Variants in GRIA2 observed in about 807,000 individuals in gnomAD.
GRIA2 encodes the protein glutamate receptor 2.
In GRIA2, 14 loss-of-function variants were observed where a neutral mutation model predicts 97.3. The observed-to-expected ratio is 0.14, with a 90% CI of 0.10 to 0.23. The LOEUF (loss-of-function observed/expected upper bound fraction) is 0.23. Ranked by LOEUF, GRIA2 falls within the 10% of genes least tolerant of loss-of-function variation. The probability of loss-of-function intolerance (pLI) is 1.00; values close to 1 mark genes in which losing one functional copy is unlikely to be tolerated. For missense variants in GRIA2, 558 were observed against 1,069.8 expected (o/e 0.52, Z 6.67); for synonymous variants, 412 against 387.8 (o/e 1.06, Z -0.73).
chr4:157,365,858 A>ACTTTTTTGTT lies in GRIA2; in HGVS notation c.*2427_*2428insCTTTTTTGTT. On this transcript the variant is annotated 3_prime_UTR_variant, in exon 16 of 16. Coordinates refer to ENST00000264426, the MANE Select transcript of GRIA2 (RefSeq NM_001083619.3). Reference sequence around the variant, plus strand: ...TTTACTGTACTTTTTTGTTTACAGTATAGTACCTTATTTTCTGCTGTGTTA... The same window carrying ACTTTTTTGTT: ...TTTACTGTACTTTTTTGTTTACAGTACTTTTTTGTTTAGTACCTTATTTTCTGCTGTGTTA... The ACTTTTTTGTT allele has an allele frequency of 6.6e-6, 1 of 152,002 alleles. No individual in the cohort carries two copies. The highest frequency in any genetic ancestry group is 2.4e-5 in the African/African-American group (1 of 41,504). The allele number at this position is 152,002 out of a possible 1,614,324, so 9.4% of individuals were successfully genotyped here.
intron 2 of GRIA2, among the ~76,000 whole-genome samples, chr4:157,225,281 A>C (rs995110002): frequency 6.6e-6 from 1 of 152,024 alleles, no homozygotes; most frequent in Non-Finnish European, 1.5e-5. Context: ...TTCCATGGGT[A>C]CCTGAGGCAG....
At chr4:157,226,701 T>G (rs2126680977) in intron 2 of GRIA2, among the ~76,000 whole-genome samples, 1 of 152,236 alleles carries the variant, frequency 6.6e-6, no homozygotes, top group Non-Finnish European at 1.5e-5. Context: ...GTGTAAATAG[T>G]TACAGATTGG....
At chr4:157,341,490 A>G (rs1735544926) in intron 12 of GRIA2, 28 bp downstream of exon 12, 2 of 1,469,710 alleles carry the variant, frequency 1.4e-6, no homozygotes, top group South Asian at 2.3e-5. Flanking sequence ...GTAGTTTCTG[A>G]TTTTGTTCCT....
chr4:157,290,025 G>A (rs1283963544), intron 2 of GRIA2, among the ~76,000 whole-genome samples: 1 of 151,772 alleles, frequency 6.6e-6, no homozygotes, highest in Non-Finnish European at 1.5e-5. Context: ...GTTATTGGGA[G>A]CATTAAATGA....
At chr4:157,346,145 T>A (rs1265844128) in intron 12 of GRIA2, among the ~76,000 whole-genome samples, 1 of 152,124 alleles carries the variant, frequency 6.6e-6, no homozygotes, top group African/African-American at 2.4e-5. Flanking sequence ...TAACCTTTTT[T>A]CAACTCTCTC....
chr4:157,277,937 G>A (rs1732422562), intron 2 of GRIA2, among the ~76,000 whole-genome samples: 1 of 124,582 alleles, frequency 8.0e-6, no homozygotes. Context: ...TATATGTGAG[G>A]AAAAGTACAA....
At chr4:157,279,631 T>C (rs1732503338) in intron 2 of GRIA2, among the ~76,000 whole-genome samples, 1 of 152,170 alleles carries the variant, frequency 6.6e-6, no homozygotes, top group African/African-American at 2.4e-5. Flanking sequence ...TCACTATTTA[T>C]ACATAAGATA....
chr4:157,231,414 C>T (rs1029359185), intron 2 of GRIA2, among the ~76,000 whole-genome samples: 4 of 152,010 alleles, frequency 2.6e-5, no homozygotes, highest in African/African-American at 7.2e-5. Flanking sequence ...TGGCCTTAAG[C>T]GATCCTGTCA....
chr4:157,256,228 T>A (rs1731253701), intron 2 of GRIA2, among the ~76,000 whole-genome samples: 1 of 122,368 alleles, frequency 8.2e-6, no homozygotes, highest in Non-Finnish European at 1.6e-5. Context: ...TAATATATAA[T>A]ATATAATATA....
intron 2 of GRIA2, among the ~76,000 whole-genome samples, chr4:157,298,485 A>G (rs1733454851): frequency 6.6e-6 from 1 of 151,984 alleles, no homozygotes; most frequent in African/African-American, 2.4e-5. Flanking sequence ...ACACATAGAT[A>G]TGGTTCATCA....
At chr4:157,261,008 C>A (rs79901535) in intron 2 of GRIA2, among the ~76,000 whole-genome samples, 4,451 of 152,042 alleles carry the variant, frequency 0.029, 70 homozygotes, top group Middle Eastern at 0.085. Flanking sequence ...AAAATAATAC[C>A]TTCTAAGACT....
At position 157,224,844 on chromosome 4, in the gene GRIA2, T is replaced by C. The variant is rs891558473; in HGVS notation, c.229+3037T>C. On this transcript the variant is annotated intron_variant, in intron 2 of 15. Transcript: ENST00000264426. ...CATTGACAGCTAAGATCTAAACATC[T>C]TTTTTCCCATTTCCTCTAGAAATCT... 2.0e-5 allele frequency among the ~76,000 whole-genome samples: 3 copies of C among 152,046 alleles called. No homozygotes were observed. The East Asian group carries it at 5.8e-4, about 29-fold the overall frequency.
chr4:157,278,695 G>A lies in GRIA2; in HGVS notation c.230-24857G>A, dbSNP rs552550959. ...TGAGAGGACAAACCACAGAATTTGAGAAAATATTTTTATAAAAGACATATC... is the reference window on the plus strand; with the variant it reads ...TGAGAGGACAAACCACAGAATTTGAAAAAATATTTTTATAAAAGACATATC... On this transcript the variant is annotated intron_variant, in intron 2 of 15. Transcript: ENST00000264426. Among the ~76,000 whole-genome samples the A allele has an allele frequency of 5.3e-5, 8 of 151,794 alleles. No homozygotes were observed. In the South Asian group the frequency reaches 1.7e-3, roughly 31 times the overall value.
intron 2 of GRIA2, among the ~76,000 whole-genome samples, chr4:157,274,816 T>C (rs1050470071): frequency 3.9e-5 from 6 of 152,108 alleles, no homozygotes; most frequent in South Asian, 4.2e-4. Context: ...TGAATAGTGC[T>C]GCAATAAACA....
chr4:157,301,439 G>T (rs536460043), intron 2 of GRIA2, among the ~76,000 whole-genome samples: 1 of 152,258 alleles, frequency 6.6e-6, no homozygotes, highest in Non-Finnish European at 1.5e-5. Flanking sequence ...GCATTCAGTT[G>T]CTTTTTGAGA....
intron 12 of GRIA2, among the ~76,000 whole-genome samples, chr4:157,349,254 G>A (rs6816610): frequency 0.72 from 109,255 of 151,958 alleles, 39,902 homozygotes; most frequent in South Asian, 0.86. Context: ...GGCCCATTCT[G>A]TCTTATGTAT....
chr4:157,228,719 T>C (rs1729859423), intron 2 of GRIA2, among the ~76,000 whole-genome samples: 2 of 135,046 alleles, frequency 1.5e-5, no homozygotes, highest in African/African-American at 5.7e-5. Context: ...GTTGAACCCA[T>C]GAGAGAGATG....
intron 11 of GRIA2, 99 bp from the exon 12 acceptor site, chr4:157,341,165 A>G (rs1735530298): frequency 5.2e-6 from 4 of 776,480 alleles, no homozygotes; most frequent in Admixed American, 2.2e-5. Context: ...ATAAAATTAA[A>G]TATTCCCCTA....
chr4:157,254,079 A>G (rs1731134698), intron 2 of GRIA2, among the ~76,000 whole-genome samples: 1 of 151,982 alleles, frequency 6.6e-6, no homozygotes, highest in African/African-American at 2.4e-5. Flanking sequence ...AGAGACATTA[A>G]TGCTCTTTTT....
Sources: allele counts gnomAD v4.1 joint callset (sites outside exome capture counted in the v4.1 genomes callset), GRCh38; gene constraint gnomAD v4.1.1; transcripts MANE v1.5; gene names NCBI Gene and HGNC (gene_info 2026-07-23, HGNC 2026-07-21).